ADAMTS9: variants seen among roughly 807,000 people sequenced by gnomAD.
ADAMTS9 encodes the protein ADAM metallopeptidase with thrombospondin type 1 motif 9.
ADAMTS9 carries 107 observed loss-of-function variants against 257.1 expected under a neutral mutation model. The ratio of observed to expected loss-of-function variants is 0.42; its 90% CI spans 0.36 to 0.49. The LOEUF (loss-of-function observed/expected upper bound fraction) is 0.49, where lower values mean the gene tolerates loss of function less well. ADAMTS9 is among the 20% of genes least tolerant of loss of function. The pLI is 0.03. For synonymous variants in ADAMTS9, 982 were observed against 880.9 expected (o/e 1.11, Z -2.03); for missense variants, 2,353 against 2,469.1 (o/e 0.95, Z 1.00).
At chr3:64,547,621 T>G (rs989740178) in intron 31 of ADAMTS9, among the ~76,000 whole-genome samples, 1 of 151,612 alleles carries the variant, frequency 6.6e-6, no homozygotes, top group African/African-American at 2.4e-5. Context: ...CAAGTGATTC[T>G]CATGCCTCAG....
At chr3:64,574,373 AG>A (rs1345856673) in intron 28 of ADAMTS9, among the ~76,000 whole-genome samples, 2 of 152,022 alleles carry the variant, frequency 1.3e-5, no homozygotes, top group Admixed American at 6.6e-5. Flanking sequence ...TGAGGGTCAA[AG>A]AGGTGACGTC....
intron 16 of ADAMTS9, among the ~76,000 whole-genome samples, chr3:64,629,670 C>G (rs1469984580): frequency 6.6e-6 from 1 of 152,198 alleles, no homozygotes. Context: ...TATCAGGTTA[C>G]TGTTTATTGC....
chr3:64,631,724 A>T, intron 15 of ADAMTS9, 84 bp downstream of exon 15: 1 of 1,312,482 alleles, frequency 7.6e-7, no homozygotes, highest in Non-Finnish European at 1.1e-6. Context: ...GCTCGACATT[A>T]ATATTTTTGC....
chr3:64,633,399 T>C, intron 14 of ADAMTS9, 73 bp downstream of exon 14: 2 of 1,585,484 alleles, frequency 1.3e-6, no homozygotes, highest in Non-Finnish European at 1.7e-6. Flanking sequence ...CAGTTGCTAT[T>C]CTATCTAGGA....
chr3:64,526,129 A>G (rs1210695502), intron 38 of ADAMTS9, among the ~76,000 whole-genome samples: 4 of 147,642 alleles, frequency 2.7e-5, no homozygotes, highest in Admixed American at 6.8e-5. Context: ...TTTACTATAG[A>G]TAGTTAACAA....
Position 64,633,769 on chromosome 3 carries a change from T to C in ADAMTS9, c.1967A>G (p.His656Arg). Residue 656 changes from histidine (H) to arginine (R), a missense_variant, in exon 13 of 40, where the codon CAC (histidine) becomes CGC (arginine). Around this residue, in one of 3 missense-constraint regions of ADAMTS9, gnomAD observed 360 missense variants for 458.1 expected, o/e 0.79. Coordinates refer to ENST00000498707, the MANE Select transcript of ADAMTS9 (RefSeq NM_182920.2). Reference sequence around the variant, plus strand: ...GATGTTAAAATGCTTCCCGTCAAAGTGAGCACACTGTTCATCTCGGAAGTC... The same window carrying C: ...GATGTTAAAATGCTTCCCGTCAAAGCGAGCACACTGTTCATCTCGGAAGTC... ...KRDFRDEQCAHFDGKHFNING... is the reference protein window; with the variant it reads ...KRDFRDEQCARFDGKHFNING... 1 of 1,613,606 alleles carries C rather than the reference T, an allele frequency of 6.2e-7. No homozygotes were observed. The highest frequency in any genetic ancestry group is 8.5e-7 in the Non-Finnish European group (1 of 1,179,938).
At chr3:64,626,084 T>G (rs935160612) in intron 16 of ADAMTS9, among the ~76,000 whole-genome samples, 2 of 152,228 alleles carry the variant, frequency 1.3e-5, no homozygotes, top group Non-Finnish European at 2.9e-5. Context: ...AGTTTCTTCC[T>G]CTGTATAATG....
intron 16 of ADAMTS9, among the ~76,000 whole-genome samples, chr3:64,630,983 T>C (rs1371103612): frequency 1.3e-5 from 2 of 152,132 alleles, no homozygotes; most frequent in African/African-American, 2.4e-5. Context: ...CGTGTCACCA[T>C]AGAAACTTTT....
rs185162803 is a variant in ADAMTS9, at chr3:64,546,880, T to C, written c.4942A>G (p.Asn1648Asp). The C allele has an allele frequency of 6.2e-7, 1 of 1,614,068 alleles. No homozygotes were observed. Among genetic ancestry groups the C allele is most frequent in the African/African-American group, 1.3e-5 (1 of 75,018 alleles). Residue 1648 changes from asparagine (N) to aspartate (D), a missense_variant, in exon 32 of 40, where the codon AAT becomes GAT. By Grantham distance (23) the Asn-to-Asp change is conservative. Coordinates refer to ENST00000498707, the MANE Select transcript of ADAMTS9 (RefSeq NM_182920.2). ...GTGGTTTGGTAGCTGTATTCATAAT[T>C]CTCCTTCCCGGTGTAAATCTCGCTG... ...SCSEIYTGKE[N>D]YEYSYQTTIN... is the part of the protein sequence containing the mutation.
chr3:64,653,434 T>G (rs1305563489), intron 8 of ADAMTS9, among the ~76,000 whole-genome samples: 1 of 152,158 alleles, frequency 6.6e-6, no homozygotes, highest in Non-Finnish European at 1.5e-5. Flanking sequence ...GTTTGAAAGG[T>G]ACTAGTTTAA....
chr3:64,613,329 T>C lies in ADAMTS9; in HGVS notation c.3354+16A>G. The C allele has an allele frequency of 6.2e-7, 1 of 1,611,744 alleles. No individual in the cohort carries two copies. Among genetic ancestry groups the C allele is most frequent in the Non-Finnish European group, 8.5e-7 (1 of 1,178,816 alleles). On this transcript the variant is annotated intron_variant, in intron 22 of 39. Transcript: ENST00000498707. Reference sequence around the variant, plus strand: ...GGAAAGAATGTAGCAGTTAAGAATCTTATCGTTCAAAATACCTGTCCCCAG... The same window carrying C: ...GGAAAGAATGTAGCAGTTAAGAATCCTATCGTTCAAAATACCTGTCCCCAG...
chr3:64,622,537 G>T lies in ADAMTS9; in HGVS notation c.2439C>A (p.Val813=), dbSNP rs149423085. Residue 813 remains valine, a synonymous_variant, in exon 17 of 40, where the codon GTC becomes GTA. Coordinates refer to ENST00000498707, the MANE Select transcript of ADAMTS9 (RefSeq NM_182920.2). ...GEFLLNGNFV[V]TMAKREIRIG... ...TGCGAATTTCCCTTTTGGCCATTGT[G>T]ACAACAAAGTTTCCATTTAGCAAGA... is the stretch of plus-strand genomic sequence containing the variant. 6.2e-7 allele frequency: 1 copy of T among 1,614,076 alleles called. No homozygotes were observed. The highest frequency in any genetic ancestry group is 2.2e-5 in the East Asian group (1 of 44,864).
intron 29 of ADAMTS9, among the ~76,000 whole-genome samples, chr3:64,562,411 A>G (rs2106652279): frequency 6.6e-6 from 1 of 152,320 alleles, no homozygotes; most frequent in East Asian, 1.9e-4. Flanking sequence ...CCCTTGAAAA[A>G]TATTGTTAAT....
intron 14 of ADAMTS9, among the ~76,000 whole-genome samples, chr3:64,633,259 G>C (rs990833971): frequency 6.6e-6 from 1 of 152,092 alleles, no homozygotes; most frequent in African/African-American, 2.4e-5. Context: ...AAAATGTCAA[G>C]AAAAATCCAG....
intron 16 of ADAMTS9, among the ~76,000 whole-genome samples, chr3:64,628,281 G>A (rs971300077): frequency 7.9e-5 from 12 of 152,312 alleles, no homozygotes; most frequent in African/African-American, 2.6e-4. Flanking sequence ...CTGAATTCAG[G>A]TGCTTGATGT....
chr3:64,556,791 T>G (rs556109016), intron 30 of ADAMTS9, among the ~76,000 whole-genome samples: 2 of 151,934 alleles, frequency 1.3e-5, no homozygotes, highest in African/African-American at 4.8e-5. Flanking sequence ...CTTCCTTTTT[T>G]GCTTCCATCT....
chr3:64,686,744 T>C lies in ADAMTS9; in HGVS notation c.340A>G (p.Thr114Ala), dbSNP rs1304606767. 2 of 1,613,542 alleles carry C rather than the reference T, an allele frequency of 1.2e-6. No homozygotes were observed. Among genetic ancestry groups the C allele is most frequent in the Admixed American group, 3.3e-5 (2 of 59,974 alleles). The change falls in exon 2 of 40, where the codon ACC (threonine) becomes GCC (alanine). Residue 114 changes from threonine to alanine, a missense_variant. Around this residue, in one of 3 missense-constraint regions of ADAMTS9, gnomAD observed 591 missense variants for 569.6 expected, o/e 1.04. Transcript: ENST00000498707. This position sits in a 1 kb window ranked among gnomAD's most constrained non-coding sequence, Gnocchi z 4.6. The part of the protein sequence containing the change: ...AFGQQFLFNL[T>A]ANAGFIAPLF... The stretch of plus-strand genomic sequence containing the variant: ...GGAGCGATAAATCCGGCATTGGCGG[T>C]GAGATTAAATAGAAACTGCTGGCCG...
intron 37 of ADAMTS9, 52 bp from the exon 38 acceptor site, chr3:64,533,322 A>C: frequency 7.0e-7 from 1 of 1,435,674 alleles, no homozygotes; most frequent in East Asian, 2.3e-5. Flanking sequence ...ATGTCCTCAA[A>C]AAAGCAAAGG....
intron 12 of ADAMTS9, among the ~76,000 whole-genome samples, chr3:64,634,940 T>A (rs1700457529): frequency 6.6e-6 from 1 of 152,174 alleles, no homozygotes. Flanking sequence ...TAGAGTTGGA[T>A]CTTGGTTCCA....
Sources: allele counts gnomAD v4.1 joint callset (sites outside exome capture counted in the v4.1 genomes callset), GRCh38; gene constraint gnomAD v4.1.1; regional missense constraint gnomAD v4.1.1; non-coding constraint Gnocchi (gnomAD v3.1); transcripts MANE v1.5; gene names NCBI Gene and HGNC (gene_info 2026-07-23, HGNC 2026-07-21).